The following TBC1D4 variants were observed in gnomAD, a reference collection of about 807,000 sequenced individuals.
TBC1D4 encodes the protein TBC1 domain family member 4.
In TBC1D4, 121 loss-of-function variants were observed where a neutral mutation model predicts 142.5. The ratio of observed to expected loss-of-function variants is 0.85; its 90% CI spans 0.73 to 0.99. The LOEUF (loss-of-function observed/expected upper bound fraction) is 0.99. Among genes scored for constraint, TBC1D4 ranks in the 50% least tolerant of loss-of-function variants. The pLI, the probability that TBC1D4 is intolerant of heterozygous loss-of-function variation, is 0.00. For missense variants in TBC1D4, 1,475 were observed against 1,606.6 expected (o/e 0.92, Z 1.40); for synonymous variants, 630 against 628.2 (o/e 1.00, Z -0.04).
At chr13:75,404,063 T>TACACACACACACACACACACACACACAC (rs1345766063) in intron 1 of TBC1D4, among the ~76,000 whole-genome samples, 8 of 149,082 alleles carry the variant, frequency 5.4e-5, no homozygotes, top group African/African-American at 2.0e-4. Context: ...TATATATACA[T>TACACACACACACACACACACACACACAC]ACACACACAC....
Position 75,310,088 on chromosome 13 carries a change from G to T in TBC1D4, c.2447C>A (p.Pro816Gln), listed in dbSNP as rs766624952. ...SPLSPTMEEE[P>Q]LVVFLSGEDD... ...CTCCCCAGACAGGAATACAACCAGCGGTTCCTCCTCCATGGTTGGAGAGAG... is the reference window on the plus strand; with the variant it reads ...CTCCCCAGACAGGAATACAACCAGCTGTTCCTCCTCCATGGTTGGAGAGAG... The change falls in exon 14 of 21, where the codon CCG becomes CAG. Residue 816 changes from proline to glutamine, a missense_variant. Pro to Gln is a moderately conservative substitution (Grantham distance 76). This residue lies in a region of TBC1D4 where 1,227 missense variants were observed against 1,267.7 expected (regional missense o/e 0.97). Transcript: ENST00000377636. The T allele has an allele frequency of 6.2e-7, 1 of 1,613,998 alleles. No individual in the cohort carries two copies. Among genetic ancestry groups the T allele is most frequent in the Non-Finnish European group, 8.5e-7 (1 of 1,179,970 alleles).
At chr13:75,406,617 T>C (rs1407888282) in intron 1 of TBC1D4, among the ~76,000 whole-genome samples, 1 of 152,106 alleles carries the variant, frequency 6.6e-6, no homozygotes, top group Admixed American at 6.5e-5. Flanking sequence ...GAGGGGGCCT[T>C]TAGGGAATTC....
intron 1 of TBC1D4, among the ~76,000 whole-genome samples, chr13:75,422,670 G>A (rs1448005449): frequency 1.3e-5 from 2 of 152,072 alleles, no homozygotes; most frequent in African/African-American, 2.4e-5. Context: ...GTAAGACTAT[G>A]GAAAGGATAT....
chr13:75,394,380 G>A (rs1404044075), intron 1 of TBC1D4, among the ~76,000 whole-genome samples: 3 of 152,188 alleles, frequency 2.0e-5, no homozygotes, highest in East Asian at 3.9e-4. Flanking sequence ...AGCCATAACC[G>A]TTGTGAAGTC....
rs114208191 is a variant in TBC1D4, at chr13:75,481,399, C to T, written c.369G>A (p.Ala123=). 8.9e-4 allele frequency: 1,441 copies of T among 1,613,902 alleles called. 15 individuals are homozygous for T. The African/African-American group carries it at 0.017, about 19-fold the overall frequency. ...TGTGGATGAAGCGCGAGATATGCTG[C>T]GCCTTGTGCTCGAAGATGAATACCG... The part of the protein sequence containing the change: ...NPAVFIFEHK[A]QHISRFIHNS... Residue 123 remains alanine, a synonymous_variant, in exon 1 of 21, where the codon GCG becomes GCA. Transcript: ENST00000377636.
chr13:75,418,567 C>T (rs1337700717), intron 1 of TBC1D4, among the ~76,000 whole-genome samples: 3 of 152,112 alleles, frequency 2.0e-5, no homozygotes, highest in East Asian at 1.9e-4. Context: ...CTTAAGTTTT[C>T]CAAAGAGGTC....
At position 75,481,378 on chromosome 13, in the gene TBC1D4, G is replaced by A. The variant is rs758461469; in HGVS notation, c.390C>T (p.Ile130=). The change falls in exon 1 of 21, where the codon ATC becomes ATT. Residue 130 remains isoleucine (I), a synonymous_variant. Coordinates refer to ENST00000377636, the MANE Select transcript of TBC1D4 (RefSeq NM_014832.5). ...EHKAQHISRF[I]HNSHDLTYFA... is the part of the protein sequence containing the mutation. The stretch of plus-strand genomic sequence containing the variant: ...AGTAGGTGAGGTCGTGGCTGTTGTG[G>A]ATGAAGCGCGAGATATGCTGCGCCT... 20 of 1,613,832 alleles carry A rather than the reference G, an allele frequency of 1.2e-5. No homozygotes were observed. In the East Asian group the frequency reaches 3.3e-4, roughly 27 times the overall value.
At chr13:75,308,090 T>A (rs1314358594) in intron 14 of TBC1D4, among the ~76,000 whole-genome samples, 1 of 152,218 alleles carries the variant, frequency 6.6e-6, no homozygotes, top group Non-Finnish European at 1.5e-5. Flanking sequence ...ACAGTTAATA[T>A]CTGCCCTTAA....
chr13:75,362,849 C>A lies in TBC1D4; in HGVS notation c.499-242G>T, dbSNP rs556883557. Among the ~76,000 whole-genome samples, 3 of 152,272 alleles carry A rather than the reference C, an allele frequency of 2.0e-5. No individual in the cohort carries two copies. The highest frequency in any genetic ancestry group is 6.5e-5 in the Admixed American group (1 of 15,292). ...TTATATTTTCCCACTTTAAATGAGT[C>A]TCCCAGAAACAAAACCATGAAACTA... On this transcript the variant is annotated intron_variant, in intron 1 of 20. Coordinates refer to ENST00000377636, the MANE Select transcript of TBC1D4 (RefSeq NM_014832.5). The surrounding 1 kb of genome is among the most constrained non-coding windows in gnomAD (Gnocchi z 4.2).
rs556368490 is a variant in TBC1D4, at chr13:75,302,699, C to T, written c.2753-298G>A. 67 of 433,000 alleles carry T rather than the reference C, an allele frequency of 1.5e-4. No homozygotes were observed. In the Middle Eastern group the frequency reaches 2.1e-3, roughly 13 times the overall value. 26.8% of individuals were successfully genotyped at this position (433,000 alleles called of 1,614,324 possible). A position where few individuals can be genotyped will look rare whatever the true frequency, so the allele number is the denominator to read the frequency against. ...TTATTGAGGGTGCCTAGCTACTAAGCACATGCACTCAGAAAACAACTCAAC... is the reference window on the plus strand; with the variant it reads ...TTATTGAGGGTGCCTAGCTACTAAGTACATGCACTCAGAAAACAACTCAAC... On this transcript the variant is annotated intron_variant, in intron 15 of 20. Coordinates refer to ENST00000377636, the MANE Select transcript of TBC1D4 (RefSeq NM_014832.5).
intron 4 of TBC1D4, among the ~76,000 whole-genome samples, chr13:75,349,506 A>T (rs946063933): frequency 6.6e-6 from 1 of 152,238 alleles, no homozygotes; most frequent in African/African-American, 2.4e-5. Context: ...AAGTAAGATT[A>T]TTTCAATGTG....
At chr13:75,328,557 T>A (rs573586484) in intron 8 of TBC1D4, among the ~76,000 whole-genome samples, 19 of 152,218 alleles carry the variant, frequency 1.2e-4, no homozygotes, top group African/African-American at 4.6e-4. Context: ...TGAGGCCAAC[T>A]ATAGAAGGAA....
intron 1 of TBC1D4, among the ~76,000 whole-genome samples, chr13:75,474,452 G>C (rs191558279): frequency 0.017 from 2,617 of 152,104 alleles, 84 homozygotes; most frequent in African/African-American, 0.06. Flanking sequence ...CCAGCTATTC[G>C]GGAGGCTGAG....
At position 75,362,228 on chromosome 13, in the gene TBC1D4, C is replaced by G. The variant is rs1882586610; in HGVS notation, c.878G>C (p.Arg293Pro). Residue 293 changes from arginine (R) to proline (P), a missense_variant, in exon 2 of 21, where the codon CGG becomes CCG. Physicochemically the swap from Arg to Pro is moderately radical, Grantham distance 103. Around this residue, in one of 2 missense-constraint regions of TBC1D4, gnomAD observed 1,227 missense variants for 1,267.7 expected, o/e 0.97. Coordinates refer to ENST00000377636, the MANE Select transcript of TBC1D4 (RefSeq NM_014832.5). This position sits in a 1 kb window ranked among gnomAD's most constrained non-coding sequence, Gnocchi z 4.2. The part of the protein sequence containing the change: ...GASQPALTSS[R>P]VCFPERILED... ...CAAAATCCGCTCAGGGAAGCAGACCCGAGAGCTGGTCAGGGCAGGCTGGCT... is the reference window on the plus strand; with the variant it reads ...CAAAATCCGCTCAGGGAAGCAGACCGGAGAGCTGGTCAGGGCAGGCTGGCT... 6.2e-7 allele frequency: 1 copy of G among 1,613,848 alleles called. No homozygotes were observed. The highest frequency in any genetic ancestry group is 8.5e-7 in the Non-Finnish European group (1 of 1,179,980).
At chr13:75,333,615 T>TA (rs1219520065) in intron 8 of TBC1D4, among the ~76,000 whole-genome samples, 3 of 152,202 alleles carry the variant, frequency 2.0e-5, no homozygotes, top group African/African-American at 4.8e-5. Context: ...GTATTTTCTA[T>TA]AAAAAAGGAC....
chr13:75,405,022 G>A (rs184987399), intron 1 of TBC1D4, among the ~76,000 whole-genome samples: 1 of 152,004 alleles, frequency 6.6e-6, no homozygotes, highest in African/African-American at 2.4e-5. Context: ...AAACTATTTG[G>A]GTAGGGTTGC....
chr13:75,442,414 C>T (rs1007573065), intron 1 of TBC1D4, among the ~76,000 whole-genome samples: 20 of 152,034 alleles, frequency 1.3e-4, no homozygotes, highest in Admixed American at 2.0e-4. Flanking sequence ...TAAAACAATG[C>T]TATGAATATC....
chr13:75,430,429 C>T (rs1040822792), intron 1 of TBC1D4, among the ~76,000 whole-genome samples: 1 of 152,182 alleles, frequency 6.6e-6, no homozygotes, highest in Non-Finnish European at 1.5e-5. Flanking sequence ...TCCCCTCGTG[C>T]CCCACCCAAG....
intron 17 of TBC1D4, among the ~76,000 whole-genome samples, chr13:75,298,707 C>T (rs1593876522): frequency 6.6e-6 from 1 of 152,028 alleles, no homozygotes. Flanking sequence ...GAGCCGAGAT[C>T]GTGCCACTGC....
Sources: gnomAD v4.1 joint callset for allele counts (sites outside exome capture counted in the v4.1 genomes callset) on GRCh38, gnomAD v4.1.1 for gene constraint, gnomAD v4.1.1 regional missense constraint, Gnocchi (gnomAD v3.1) non-coding constraint, MANE v1.5 for transcripts, NCBI Gene and HGNC (gene_info 2026-07-23, HGNC 2026-07-21) for gene names.